The following LINGO1 variants were observed in gnomAD, a reference collection of about 807,000 sequenced individuals.
The protein encoded by LINGO1 is leucine rich repeat and Ig domain containing 1, also known as leucine-rich repeat and immunoglobulin-like domain-containing nogo receptor-interacting protein 1.
A neutral mutation model predicts 37.3 loss-of-function variants in LINGO1; 11 were observed. The observed-to-expected ratio is 0.29, with a 90% CI of 0.19 to 0.49. LINGO1 has a LOEUF of 0.49. Among genes scored for constraint, LINGO1 ranks in the 20% least tolerant of loss-of-function variants. The probability of loss-of-function intolerance (pLI) is 0.99; values close to 1 mark genes in which losing one functional copy is unlikely to be tolerated. For missense variants in LINGO1, 585 were observed against 878.2 expected, an observed-to-expected ratio of 0.67 and a Z score of 4.22; for synonymous variants, 387 against 403.0, an observed-to-expected ratio of 0.96 and a Z score of 0.48.
At chr15:77,708,797 C>T (rs555340174) in intron 2 of LINGO1, among the ~76,000 whole-genome samples, 9 of 152,252 alleles carry the variant, frequency 5.9e-5, no homozygotes, top group South Asian at 2.1e-4. Flanking sequence ...CCCAGCTACT[C>T]GGGAGATTAC....
intron 2 of LINGO1, among the ~76,000 whole-genome samples, chr15:77,711,990 C>T (rs552516091): frequency 1.2e-4 from 19 of 152,312 alleles, no homozygotes; most frequent in African/African-American, 3.8e-4. Flanking sequence ...CCAGATTCCT[C>T]CCATCTACAG....
At chr15:77,712,915 A>G (rs2075936599) in intron 2 of LINGO1, among the ~76,000 whole-genome samples, 1 of 152,006 alleles carries the variant, frequency 6.6e-6, no homozygotes, top group Admixed American at 6.5e-5. Flanking sequence ...TTATCTTTCA[A>G]CATCACCTGT....
chr15:77,777,211 A>G (rs1376659311), intron 1 of LINGO1, among the ~76,000 whole-genome samples: 1 of 152,160 alleles, frequency 6.6e-6, no homozygotes, highest in Non-Finnish European at 1.5e-5. Flanking sequence ...TGGTGCGGTC[A>G]ACCAGCCAGT....
intron 3 of LINGO1, among the ~76,000 whole-genome samples, chr15:77,660,989 AAC>A (rs2074980046): frequency 6.6e-6 from 1 of 152,154 alleles, no homozygotes; most frequent in Admixed American, 6.5e-5. Context: ...ATTATGGGCA[AAC>A]AGAGTGGAAA....
At chr15:77,749,979 T>C (rs1018139938) in intron 1 of LINGO1, among the ~76,000 whole-genome samples, 2 of 152,022 alleles carry the variant, frequency 1.3e-5, no homozygotes, top group Non-Finnish European at 2.9e-5. Context: ...GATAGCACTT[T>C]ACAGGTGGAG....
chr15:77,641,997 C>A (rs2074517917), intron 3 of LINGO1: 1 of 456,520 alleles, frequency 2.2e-6, no homozygotes, highest in African/African-American at 2.0e-5. Flanking sequence ...TCCATTCATG[C>A]CACCTGGGGA....
chr15:77,755,220 C>G (rs2076408122), intron 1 of LINGO1, among the ~76,000 whole-genome samples: 1 of 152,208 alleles, frequency 6.6e-6, no homozygotes, highest in Non-Finnish European at 1.5e-5. Context: ...TGGCCCCATG[C>G]TGGCCTAGGG....
At chr15:77,720,437 G>C (rs1379865674) in intron 2 of LINGO1, among the ~76,000 whole-genome samples, 1 of 152,222 alleles carries the variant, frequency 6.6e-6, no homozygotes, top group Non-Finnish European at 1.5e-5. Context: ...CCCGGCAGCA[G>C]GTCGCCTTTT....
chr15:77,633,558 C>G (rs549381068), upstream of LINGO1, among the ~76,000 whole-genome samples: 15 of 152,308 alleles, frequency 9.8e-5, no homozygotes, highest in South Asian at 1.0e-3. Context: ...CGCGCTGGCC[C>G]GGCAGCTCTA....
intron 1 of LINGO1, among the ~76,000 whole-genome samples, chr15:77,816,447 C>G (rs1453151900): frequency 6.6e-6 from 1 of 152,232 alleles, no homozygotes; most frequent in African/African-American, 2.4e-5. Flanking sequence ...TCAGGGGCAG[C>G]TTTTCCACCT....
chr15:77,673,444 A>ACCT (rs1555528921), intron 3 of LINGO1, among the ~76,000 whole-genome samples: 1 of 101,336 alleles, frequency 9.9e-6, no homozygotes, highest in Admixed American at 9.2e-5. Flanking sequence ...GTCACCTGTG[A>ACCT]CCTCGTTACC....
chr15:77,649,620 C>T (rs2074713747), intron 3 of LINGO1, among the ~76,000 whole-genome samples: 1 of 152,070 alleles, frequency 6.6e-6, no homozygotes, highest in Admixed American at 6.6e-5. Flanking sequence ...GCTTCTGGGT[C>T]AGGGTGGAGA....
chr15:77,628,749 G>A (rs1360044729), intron 1 of LINGO1, among the ~76,000 whole-genome samples: 1 of 152,154 alleles, frequency 6.6e-6, no homozygotes, highest in Non-Finnish European at 1.5e-5. Context: ...AACAGGCTGG[G>A]CCTGGATTAG....
At chr15:77,645,633 G>C (rs1416937073) in intron 3 of LINGO1, among the ~76,000 whole-genome samples, 7 of 152,216 alleles carry the variant, frequency 4.6e-5, no homozygotes, top group Admixed American at 4.6e-4. Context: ...GTGAACACAG[G>C]GCTGCTGCCT....
At chr15:77,659,173 G>T (rs2074932928) in intron 3 of LINGO1, among the ~76,000 whole-genome samples, 1 of 152,148 alleles carries the variant, frequency 6.6e-6, no homozygotes, top group South Asian at 2.1e-4. Context: ...AGGGCTTGAT[G>T]GGGTTAGATT....
intron 3 of LINGO1, among the ~76,000 whole-genome samples, chr15:77,653,091 C>A (rs1260631646): frequency 6.6e-6 from 1 of 152,216 alleles, no homozygotes; most frequent in Admixed American, 6.5e-5. Context: ...AGGCCAACCC[C>A]TTAATTGGGG....
intron 3 of LINGO1, among the ~76,000 whole-genome samples, chr15:77,664,160 T>TGCGCGCGC (rs1393532000): frequency 8.7e-6 from 1 of 114,932 alleles, no homozygotes; most frequent in East Asian, 2.2e-4. Flanking sequence ...TGTGTGTGTG[T>TGCGCGCGC]GTGTGTGTGT....
chr15:77,801,244 A>G (rs996821184), intron 1 of LINGO1, among the ~76,000 whole-genome samples: 10 of 152,256 alleles, frequency 6.6e-5, no homozygotes, highest in African/African-American at 1.9e-4. Context: ...GGTAAGACCG[A>G]AAAAGAAATT....
intron 1 of LINGO1, among the ~76,000 whole-genome samples, chr15:77,756,594 A>G (rs2076421894): frequency 6.6e-6 from 1 of 152,228 alleles, no homozygotes; most frequent in Non-Finnish European, 1.5e-5. Context: ...CTGGGAGCCC[A>G]GGCTCAGCAG....
Sources: allele counts gnomAD v4.1 joint callset (sites outside exome capture counted in the v4.1 genomes callset), GRCh38; gene constraint gnomAD v4.1.1; transcripts MANE v1.5; gene names NCBI Gene and HGNC (gene_info 2026-07-23, HGNC 2026-07-21).